The following PCDH15 variants were observed in gnomAD, a reference collection of about 807,000 sequenced individuals.
The protein encoded by PCDH15 is protocadherin related 15.
In PCDH15, 129 loss-of-function variants were observed where a neutral mutation model predicts 178.5. The observed-to-expected ratio is 0.72, with a 90% CI of 0.63 to 0.84. PCDH15 has a LOEUF of 0.84. Ranked by LOEUF, PCDH15 falls within the 40% of genes least tolerant of loss-of-function variation. PCDH15 has a pLI of 0.00. For synonymous variants in PCDH15, 800 were observed against 732.0 expected (o/e 1.09, Z -1.50); for missense variants, 2,230 against 2,099.9 (o/e 1.06, Z -1.21).
At chr10:55,258,639 C>A (rs1174620267) in intron 1 of PCDH15, among the ~76,000 whole-genome samples, 1 of 151,630 alleles carries the variant, frequency 6.6e-6, no homozygotes, top group Non-Finnish European at 1.5e-5. Context: ...AAAGGGGATG[C>A]TTAGCATAAT....
chr10:54,322,401 G>T (rs560369404), intron 7 of PCDH15, among the ~76,000 whole-genome samples: 155 of 151,726 alleles, frequency 1.0e-3, no homozygotes, highest in African/African-American at 3.7e-3. Flanking sequence ...AAAAATAACA[G>T]GATATTACAT....
At chr10:55,154,428 T>C (rs1365017175) in intron 2 of PCDH15, among the ~76,000 whole-genome samples, 3 of 152,164 alleles carry the variant, frequency 2.0e-5, no homozygotes, top group African/African-American at 7.2e-5. Flanking sequence ...ACTCTATAGA[T>C]AATCAGAAAC....
chr10:54,347,362 G>T (rs901079185), intron 5 of PCDH15, among the ~76,000 whole-genome samples: 41 of 151,998 alleles, frequency 2.7e-4, no homozygotes, highest in African/African-American at 9.2e-4. Flanking sequence ...CACATCAGAA[G>T]ATGATTCCCC....
intron 2 of PCDH15, among the ~76,000 whole-genome samples, chr10:55,598,362 G>T (rs573270567): frequency 2.0e-5 from 3 of 151,206 alleles, no homozygotes; most frequent in African/African-American, 7.3e-5. Flanking sequence ...AAGACTGTTC[G>T]CCAGAGTACT....
chr10:53,838,449 A>G (rs2077441715), intron 29 of PCDH15, among the ~76,000 whole-genome samples: 1 of 16,340 alleles, frequency 6.1e-5, no homozygotes, highest in African/African-American at 3.4e-4. Context: ...CTTAAAACCC[A>G]AGTGGCTTTT....
chr10:55,207,034 CATA>C (rs1323780286), intron 1 of PCDH15, among the ~76,000 whole-genome samples: 1 of 151,888 alleles, frequency 6.6e-6, no homozygotes, highest in African/African-American at 2.4e-5. Flanking sequence ...TCAGAATACG[CATA>C]ATATTTTCTC....
intron 2 of PCDH15, chr10:54,600,332 T>C (rs576540620): frequency 1.9e-6 from 1 of 536,194 alleles, no homozygotes; most frequent in Admixed American, 2.3e-5. Flanking sequence ...AAGAAAGACA[T>C]AGCTGTCAAT....
Position 54,336,696 on chromosome 10 carries a change from G to A in PCDH15, c.595-6990C>T, listed in dbSNP as rs183544666. ...AGACAAAAGTTTGCTGAAGGGGCAGGGCCCTCATGGAGAACCTCTGCTAGG... is the reference window on the plus strand; with the variant it reads ...AGACAAAAGTTTGCTGAAGGGGCAGAGCCCTCATGGAGAACCTCTGCTAGG... On this transcript the variant is annotated intron_variant, in intron 6 of 37. Coordinates refer to ENST00000644397, the MANE Select transcript of PCDH15 (RefSeq NM_001384140.1). Among the ~76,000 whole-genome samples, 212 of 152,318 alleles carry A rather than the reference G, an allele frequency of 1.4e-3. 3 individuals are homozygous for A. In the Middle Eastern group the frequency reaches 0.02, roughly 15 times the overall value.
chr10:55,107,658 A>AT (rs1264433143), intron 2 of PCDH15, among the ~76,000 whole-genome samples: 1 of 151,356 alleles, frequency 6.6e-6, no homozygotes, highest in African/African-American at 2.4e-5. Context: ...TGCCTGGCTA[A>AT]TTTTTTGTAT....
chr10:54,497,747 A>G (rs1210933045), intron 3 of PCDH15, among the ~76,000 whole-genome samples: 1 of 152,138 alleles, frequency 6.6e-6, no homozygotes, highest in Non-Finnish European at 1.5e-5. Context: ...GCAGGCCGAA[A>G]AAAATAAAGA....
chr10:54,521,067 TG>T (rs901704929), intron 3 of PCDH15, among the ~76,000 whole-genome samples: 2 of 72,212 alleles, frequency 2.8e-5, no homozygotes, highest in East Asian at 1.1e-3. Context: ...TGTTGTGGGG[TG>T]GGGGGAGGGG....
At chr10:54,301,676 A>G (rs975607199) in intron 8 of PCDH15, among the ~76,000 whole-genome samples, 1 of 152,152 alleles carries the variant, frequency 6.6e-6, no homozygotes, top group African/African-American at 2.4e-5. Context: ...CTATGCTTCC[A>G]GGTGATGAAT....
intron 10 of PCDH15, among the ~76,000 whole-genome samples, chr10:54,207,378 A>G (rs7478017): frequency 0.21 from 2,509 of 12,174 alleles, 39 homozygotes; most frequent in South Asian, 0.32. Context: ...GTGTGTGTGT[A>G]TGTGTGTGTG....
chr10:55,240,969 C>G (rs1382141900), intron 1 of PCDH15, among the ~76,000 whole-genome samples: 1 of 152,160 alleles, frequency 6.6e-6, no homozygotes, highest in Non-Finnish European at 1.5e-5. Context: ...GTAATCCCAG[C>G]ATTTTGGGAG....
intron 2 of PCDH15, among the ~76,000 whole-genome samples, chr10:55,500,574 C>T (rs1840635426): frequency 6.6e-6 from 1 of 151,596 alleles, no homozygotes. Flanking sequence ...GAACAGAGAC[C>T]CAAATTCTTC....
At chr10:54,766,927 C>T (rs1385406062) in intron 1 of PCDH15, among the ~76,000 whole-genome samples, 3 of 144,722 alleles carry the variant, frequency 2.1e-5, no homozygotes, top group Non-Finnish European at 3.1e-5. Flanking sequence ...GAGACTCCAT[C>T]TCAAAAAAAC....
chr10:54,488,096 T>C, intron 3 of PCDH15, among the ~76,000 whole-genome samples: 1 of 151,832 alleles, frequency 6.6e-6, no homozygotes. Flanking sequence ...ATGTGTATTT[T>C]TCTCACTAAA....
intron 3 of PCDH15, among the ~76,000 whole-genome samples, chr10:54,873,695 T>TTTTACA (rs1554809277): frequency 1.4e-4 from 19 of 138,926 alleles, no homozygotes; most frequent in African/African-American, 5.1e-4. Context: ...CTGCTGTATT[T>TTTTACA]TATATATATA....
At chr10:54,905,343 C>T (rs1454489) in intron 2 of PCDH15, among the ~76,000 whole-genome samples, 147,723 of 152,238 alleles carry the variant, frequency 0.97, 71,824 homozygotes, top group East Asian at 1. Flanking sequence ...ACAAGCAACA[C>T]TGTATTTATT....
Sources: allele counts gnomAD v4.1 joint callset (sites outside exome capture counted in the v4.1 genomes callset), GRCh38; gene constraint gnomAD v4.1.1; transcripts MANE v1.5; gene names NCBI Gene and HGNC (gene_info 2026-07-23, HGNC 2026-07-21).